COL13A1: variants seen among roughly 807,000 people sequenced by gnomAD.
The protein encoded by COL13A1 is collagen alpha-1(XIII) chain.
In COL13A1, 89 loss-of-function variants were observed where a neutral mutation model predicts 130.9. The ratio of observed to expected loss-of-function variants is 0.68; its 90% CI spans 0.57 to 0.81. The LOEUF (loss-of-function observed/expected upper bound fraction) is 0.81, where lower values mean the gene tolerates loss of function less well. Ranked by LOEUF, COL13A1 falls within the 30% of genes least tolerant of loss-of-function variation. The pLI is 0.00. For missense variants in COL13A1, 879 were observed against 934.6 expected (o/e 0.94, Z 0.78); for synonymous variants, 402 against 341.6 (o/e 1.18, Z -1.95).
chr10:69,918,127 G>A (rs2064153622), intron 18 of COL13A1, among the ~76,000 whole-genome samples, 158 bp from the exon 19 acceptor site: 1 of 152,168 alleles, frequency 6.6e-6, no homozygotes, highest in Non-Finnish European at 1.5e-5. Context: ...TCAGCTCAGC[G>A]CCCCCACCTC....
At chr10:69,865,813 G>A (rs7076030) in intron 2 of COL13A1, among the ~76,000 whole-genome samples, 2,691 of 152,262 alleles carry the variant, frequency 0.018, 90 homozygotes, top group African/African-American at 0.062. Context: ...TTGGTCTGCA[G>A]GCAATTGCAG....
At chr10:69,856,687 C>T (rs138321971) in intron 2 of COL13A1, among the ~76,000 whole-genome samples, 241 of 152,254 alleles carry the variant, frequency 1.6e-3, no homozygotes, top group African/African-American at 5.2e-3. Context: ...GGAGAACTGT[C>T]GATGCCTTTT....
intron 1 of COL13A1, among the ~76,000 whole-genome samples, chr10:69,810,346 A>AAGAGAGAGAGAGAGAGAGAGAGAGAG (rs1564723791): frequency 2.0e-4 from 14 of 71,208 alleles, no homozygotes; most frequent in African/African-American, 8.0e-4. Context: ...GGCCCTGAGA[A>AAGAGAGAGAGAGAGAGAGAGAGAGAG]TGAGAGAGAG....
At chr10:69,897,637 A>G in intron 13 of COL13A1, 2 of 1,278,078 alleles carry the variant, frequency 1.6e-6, no homozygotes, top group Non-Finnish European at 2.2e-6. Context: ...GAGCGGGTGG[A>G]GCTCTGTGTG....
intron 2 of COL13A1, among the ~76,000 whole-genome samples, chr10:69,828,733 G>A (rs1848109047): frequency 6.6e-6 from 1 of 152,186 alleles, no homozygotes; most frequent in Non-Finnish European, 1.5e-5. Context: ...TCTGCTGTTT[G>A]ATGAGTATGT....
At chr10:69,884,363 C>T (rs2060421863) in intron 7 of COL13A1, among the ~76,000 whole-genome samples, 1 of 152,196 alleles carries the variant, frequency 6.6e-6, no homozygotes, top group South Asian at 2.1e-4. Flanking sequence ...CCCCACTCAG[C>T]TAATGGTTAA....
intron 17 of COL13A1, among the ~76,000 whole-genome samples, chr10:69,907,178 T>C (rs2062850328): frequency 6.6e-6 from 1 of 152,228 alleles, no homozygotes; most frequent in African/African-American, 2.4e-5. Flanking sequence ...TAGTCACTAC[T>C]TACTGAACAC....
At chr10:69,833,550 G>A (rs765851389) in intron 2 of COL13A1, among the ~76,000 whole-genome samples, 1 of 152,166 alleles carries the variant, frequency 6.6e-6, no homozygotes, top group Non-Finnish European at 1.5e-5. Flanking sequence ...CAGAAGCATA[G>A]GCATCTAGTT....
chr10:69,872,276 G>A (rs1473143658), intron 4 of COL13A1, 66 bp downstream of exon 4: 10 of 1,588,544 alleles, frequency 6.3e-6, no homozygotes, highest in African/African-American at 1.3e-5. Context: ...TCTGAGGACT[G>A]GCTAGGTTGG....
In COL13A1 at chr10:69,924,991, G is replaced by T; in HGVS notation, c.1313G>T (p.Gly438Val). Residue 438 changes from glycine (G) to valine (V), a missense_variant, in exon 25 of 41, where the codon GGA becomes GTA. Around this residue, in one of 3 missense-constraint regions of COL13A1, gnomAD observed 715 missense variants for 721.0 expected, o/e 0.99. Coordinates refer to ENST00000645393, the MANE Select transcript of COL13A1 (RefSeq NM_001368882.1). ...KGERGAAGEQ[G>V]PDGPKGSKGE... The stretch of plus-strand genomic sequence containing the variant: ...GAGCGTGGAGCAGCTGGAGAACAGG[G>T]ACCAGATGGCCCCAAGGTATGTGCC... The T allele has an allele frequency of 6.3e-7, 1 of 1,591,858 alleles. No homozygotes were observed. The highest frequency in any genetic ancestry group is 1.2e-5 in the South Asian group (1 of 86,638).
intron 7 of COL13A1, among the ~76,000 whole-genome samples, chr10:69,880,770 AG>A (rs1446434672): frequency 6.6e-6 from 1 of 152,194 alleles, no homozygotes; most frequent in Non-Finnish European, 1.5e-5. Flanking sequence ...GTCCCTTGGG[AG>A]GGTTCTGAGG....
At chr10:69,865,291 G>A (rs1288361404) in intron 2 of COL13A1, among the ~76,000 whole-genome samples, 1 of 152,190 alleles carries the variant, frequency 6.6e-6, no homozygotes, top group Non-Finnish European at 1.5e-5. Context: ...GCCCACATGG[G>A]AGAGCAACTA....
At chr10:69,875,205 G>T in intron 5 of COL13A1, 42 bp downstream of exon 5, 2 of 1,612,688 alleles carry the variant, frequency 1.2e-6, no homozygotes, top group Non-Finnish European at 1.7e-6. Context: ...GCCATTGCTT[G>T]CTTCTCCGTG....
rs2062598332 is a variant in COL13A1, at chr10:69,904,939, C to T, written c.865C>T (p.Pro289Ser). 25 of 1,523,828 alleles carry T rather than the reference C, an allele frequency of 1.6e-5. No homozygotes were observed. Among genetic ancestry groups the T allele is most frequent in the Non-Finnish European group, 2.0e-5 (22 of 1,127,466 alleles). The allele number at this position is 1,523,828 out of a possible 1,614,324, so 94.4% of individuals were successfully genotyped here. A position where few individuals can be genotyped will look rare whatever the true frequency, so the allele number is the denominator to read the frequency against. ...LPGPMGPPGL[P>S]GPPGPKGDPG... ...TTTTTTTTTGCTTCCACAGGGCTTACCTGGGCCTCCTGGACCAAAGGTGAG... is the reference window on the plus strand; with the variant it reads ...TTTTTTTTTGCTTCCACAGGGCTTATCTGGGCCTCCTGGACCAAAGGTGAG... The change falls in exon 16 of 41, where the codon CCT (proline) becomes TCT (serine). Residue 289 changes from proline to serine, a missense_variant. Physicochemically the swap from Pro to Ser is moderately conservative, Grantham distance 74. Transcript: ENST00000645393.
chr10:69,841,826 A>G (rs1369796479), intron 2 of COL13A1, among the ~76,000 whole-genome samples: 1 of 152,204 alleles, frequency 6.6e-6, no homozygotes, highest in Non-Finnish European at 1.5e-5. Context: ...GAGACCCTGC[A>G]GTGGGAAGGG....
chr10:69,882,785 G>A (rs2060267700), intron 7 of COL13A1, among the ~76,000 whole-genome samples: 1 of 152,198 alleles, frequency 6.6e-6, no homozygotes, highest in African/African-American at 2.4e-5. Flanking sequence ...CATACCAGGA[G>A]TCTTAACGAA....
intron 2 of COL13A1, among the ~76,000 whole-genome samples, chr10:69,840,543 T>C (rs1851326511): frequency 6.6e-6 from 1 of 152,162 alleles, no homozygotes; most frequent in African/African-American, 2.4e-5. Context: ...TCACAGTGCA[T>C]TTCCTTGCTC....
intron 39 of COL13A1, chr10:69,955,717 A>C (rs1358311564): frequency 6.6e-6 from 1 of 152,234 alleles, no homozygotes; most frequent in Non-Finnish European, 1.5e-5. Context: ...CCCAACCCAG[A>C]GGGGAAAATG....
At chr10:69,904,027 C>G (rs1340925375) in intron 15 of COL13A1, among the ~76,000 whole-genome samples, 1 of 152,180 alleles carries the variant, frequency 6.6e-6, no homozygotes, top group Non-Finnish European at 1.5e-5. Context: ...TGCTTGACCC[C>G]TGAAATGAAT....
Sources: allele counts gnomAD v4.1 joint callset (sites outside exome capture counted in the v4.1 genomes callset), GRCh38; gene constraint gnomAD v4.1.1; regional missense constraint gnomAD v4.1.1; transcripts MANE v1.5; gene names NCBI Gene and HGNC (gene_info 2026-07-23, HGNC 2026-07-21).